Variants in KIAA0753 observed in about 807,000 individuals in gnomAD.
KIAA0753 encodes protein moonraker.
A neutral mutation model predicts 116.9 loss-of-function variants in KIAA0753; 114 were observed. The ratio of observed to expected loss-of-function variants is 0.98; its 90% CI spans 0.84 to 1.14. KIAA0753 has a LOEUF of 1.14. Among genes scored for constraint, KIAA0753 ranks in the 50% most tolerant of loss-of-function variants. The pLI, the probability that KIAA0753 is intolerant of heterozygous loss-of-function variation, is 0.00. For missense variants in KIAA0753, 1,156 were observed against 1,172.4 expected (o/e 0.99, Z 0.20); for synonymous variants, 405 against 413.1 (o/e 0.98, Z 0.24).
intron 7 of KIAA0753, among the ~76,000 whole-genome samples, chr17:6,613,075 A>T (rs1346955871): frequency 2.6e-5 from 4 of 152,170 alleles, no homozygotes; most frequent in Non-Finnish European, 5.9e-5. Context: ...AAACTATTAC[A>T]GCTGAGAAGA....
intron 4 of KIAA0753, 99 bp from the exon 5 acceptor site, chr17:6,623,670 C>T: frequency 6.9e-7 from 1 of 1,439,740 alleles, no homozygotes; most frequent in Non-Finnish European, 9.1e-7. Flanking sequence ...CCAAATATAA[C>T]CATTATTAAT....
At chr17:6,611,312 T>C (rs952433899) in intron 8 of KIAA0753, among the ~76,000 whole-genome samples, 1 of 152,202 alleles carries the variant, frequency 6.6e-6, no homozygotes, top group African/African-American at 2.4e-5. Flanking sequence ...AATTTTTTTT[T>C]TTCTTTAAGA....
chr17:6,606,612 C>T (rs1440828585), intron 12 of KIAA0753, among the ~76,000 whole-genome samples: 1 of 152,182 alleles, frequency 6.6e-6, no homozygotes, highest in African/African-American at 2.4e-5. Context: ...GAGGGTAGTC[C>T]AAACAAATAC....
intron 16 of KIAA0753, among the ~76,000 whole-genome samples, chr17:6,593,165 A>G (rs1333816756): frequency 6.6e-6 from 1 of 152,258 alleles, no homozygotes; most frequent in Non-Finnish European, 1.5e-5. Flanking sequence ...TGACTCAAAA[A>G]GACAAGCAAC....
chr17:6,600,292 A>G (rs1304492066), intron 13 of KIAA0753, 88 bp downstream of exon 13: 96 of 981,394 alleles, frequency 9.8e-5, no homozygotes, highest in Non-Finnish European at 1.6e-6. Context: ...ACTTAGCCCT[A>G]TAAAGGATCA....
intron 12 of KIAA0753, among the ~76,000 whole-genome samples, chr17:6,606,454 C>A (rs1970200461): frequency 6.6e-6 from 1 of 152,192 alleles, no homozygotes; most frequent in African/African-American, 2.4e-5. Flanking sequence ...AAAAAGGGAA[C>A]CGCATTTGAA....
At chr17:6,623,347 A>G (rs528298977) in intron 5 of KIAA0753, among the ~76,000 whole-genome samples, 162 bp downstream of exon 5, 1 of 152,328 alleles carries the variant, frequency 6.6e-6, no homozygotes, top group Non-Finnish European at 1.5e-5. Flanking sequence ...GTTCCTTAGA[A>G]GGCAACCATA....
chr17:6,599,348 G>A, intron 13 of KIAA0753, 28 bp from the exon 14 acceptor site: 1 of 1,445,186 alleles, frequency 6.9e-7, no homozygotes, highest in South Asian at 1.1e-5. Context: ...TACATTCATG[G>A]AGTATAAAGA....
At chr17:6,588,307 T>C (rs185235767) in intron 18 of KIAA0753, among the ~76,000 whole-genome samples, 18 of 152,178 alleles carry the variant, frequency 1.2e-4, no homozygotes, top group Admixed American at 9.2e-4. Flanking sequence ...AAACAGGATA[T>C]GCGCCATCAA....
intron 11 of KIAA0753, 63 bp downstream of exon 11, chr17:6,607,118 T>C: frequency 7.2e-7 from 1 of 1,393,066 alleles, no homozygotes; most frequent in Non-Finnish European, 1.0e-6. Context: ...CTATTTATCA[T>C]TAATGTATAG....
At chr17:6,583,079 T>C (rs1222775671) in intron 18 of KIAA0753, among the ~76,000 whole-genome samples, 1 of 152,222 alleles carries the variant, frequency 6.6e-6, no homozygotes, top group Admixed American at 6.5e-5. Flanking sequence ...TCCCCCAAAA[T>C]ACCCTTTTTA....
intron 18 of KIAA0753, among the ~76,000 whole-genome samples, chr17:6,587,477 C>T (rs1968665286): frequency 1.3e-5 from 2 of 152,196 alleles, no homozygotes; most frequent in Admixed American, 6.5e-5. Flanking sequence ...TAAGAACACA[C>T]AAGGAACAGT....
At chr17:6,596,406 T>A in intron 14 of KIAA0753, 63 bp from the exon 15 acceptor site, 1 of 1,258,988 alleles carries the variant, frequency 7.9e-7, no homozygotes, top group East Asian at 2.5e-5. Flanking sequence ...GAAGGTGATA[T>A]AATGAAAACA....
rs1487312496 is a variant in KIAA0753, at chr17:6,639,712, C to T, written c.-69+925G>A. The T allele has an allele frequency of 1.3e-5, 2 of 153,016 alleles. No homozygotes were observed. Among genetic ancestry groups the T allele is most frequent in the African/African-American group, 2.4e-5 (1 of 41,456 alleles). The allele number at this position is 153,016 out of a possible 1,614,324, so 9.5% of individuals were successfully genotyped here. ...CCAGGAAGCTCGGCCAGGAACACCC[C>T]TTTCGACAGGTCCCTCTCCTGCAGG... On this transcript the variant is annotated intron_variant, in intron 1 of 18. Transcript: ENST00000361413. The surrounding 1 kb of genome is among the most constrained non-coding windows in gnomAD (Gnocchi z 4.3).
chr17:6,621,267 A>T (rs970666382), intron 6 of KIAA0753, among the ~76,000 whole-genome samples: 8 of 152,352 alleles, frequency 5.3e-5, no homozygotes, highest in African/African-American at 1.9e-4. Flanking sequence ...CAAATCTTAA[A>T]GGATCATCAT....
At chr17:6,621,531 C>G (rs1045181417) in intron 6 of KIAA0753, among the ~76,000 whole-genome samples, 3 of 152,178 alleles carry the variant, frequency 2.0e-5, no homozygotes, top group Admixed American at 2.0e-4. Context: ...CCAGTCTCCA[C>G]CTGGTCAGGA....
intron 13 of KIAA0753, among the ~76,000 whole-genome samples, 181 bp downstream of exon 13, chr17:6,600,199 T>A (rs192929105): frequency 2.0e-5 from 3 of 152,292 alleles, no homozygotes; most frequent in Non-Finnish European, 4.4e-5. Flanking sequence ...CCCTTGTCCC[T>A]TTATCTCTAT....
At chr17:6,632,109 C>T (rs80306068) in intron 2 of KIAA0753, among the ~76,000 whole-genome samples, 1 of 152,022 alleles carries the variant, frequency 6.6e-6, no homozygotes, top group Non-Finnish European at 1.5e-5. Flanking sequence ...ACCATGTTGG[C>T]CAGGCTGGTC....
intron 12 of KIAA0753, among the ~76,000 whole-genome samples, chr17:6,600,762 C>T (rs17794485): frequency 0.22 from 32,977 of 151,550 alleles, 3,999 homozygotes; most frequent in East Asian, 0.37. Flanking sequence ...GAGTACACTT[C>T]AAAAAAAATA....
Sources: gnomAD v4.1 joint callset for allele counts (sites outside exome capture counted in the v4.1 genomes callset) on GRCh38, gnomAD v4.1.1 for gene constraint, Gnocchi (gnomAD v3.1) non-coding constraint, MANE v1.5 for transcripts, NCBI Gene and HGNC (gene_info 2026-07-23, HGNC 2026-07-21) for gene names.